The following ARHGEF2 variants were observed in gnomAD, a reference collection of about 807,000 sequenced individuals.
ARHGEF2 encodes Rho/Rac guanine nucleotide exchange factor 2, also known as rho guanine nucleotide exchange factor 2.
In ARHGEF2, 22 loss-of-function variants were observed where a neutral mutation model predicts 121.0. That is an observed-to-expected ratio of 0.18 (90% CI 0.13 to 0.26). The LOEUF (loss-of-function observed/expected upper bound fraction) is 0.26. Ranked by LOEUF, ARHGEF2 falls within the 10% of genes least tolerant of loss-of-function variation. The pLI, the probability that ARHGEF2 is intolerant of heterozygous loss-of-function variation, is 1.00. For synonymous variants in ARHGEF2, 487 were observed against 530.0 expected (o/e 0.92, Z 1.11); for missense variants, 907 against 1,336.0 (o/e 0.68, Z 5.01).
rs1288655657 is a variant in ARHGEF2, at chr1:155,951,671, A to G, written c.2208+70T>C. 1 of 1,611,452 alleles carries G rather than the reference A, an allele frequency of 6.2e-7. No individual in the cohort carries two copies. Among genetic ancestry groups the G allele is most frequent in the African/African-American group, 1.3e-5 (1 of 74,832 alleles). Reference sequence around the variant, plus strand: ...AGACGCTTTCCCCACCCCACTCCAAACTGGGCTCTAACTACTCAGACTAAG... The same window carrying G: ...AGACGCTTTCCCCACCCCACTCCAAGCTGGGCTCTAACTACTCAGACTAAG... On this transcript the variant is annotated intron_variant, in intron 18 of 21. Transcript: ENST00000361247. This position sits in a 1 kb window ranked among gnomAD's most constrained non-coding sequence, Gnocchi z 5.1.
chr1:155,953,796 ACTCTATTC>A (rs1163003596), intron 14 of ARHGEF2, among the ~76,000 whole-genome samples: 5 of 151,230 alleles, frequency 3.3e-5, no homozygotes, highest in Non-Finnish European at 7.4e-5. Context: ...AAGGGTATAA[ACTCTATTC>A]CTTTACTCCT....
intron 7 of ARHGEF2, among the ~76,000 whole-genome samples, chr1:155,964,488 G>A (rs1314744488): frequency 2.0e-5 from 3 of 152,004 alleles, no homozygotes; most frequent in African/African-American, 7.2e-5. Flanking sequence ...ACTGAAGACA[G>A]AGATAAAGAA....
In ARHGEF2 at chr1:155,961,945, C is replaced by A. The variant is rs1678024540; in HGVS notation, c.1220-36G>T. On this transcript the variant is annotated intron_variant, in intron 10 of 21. Coordinates refer to ENST00000361247, the MANE Select transcript of ARHGEF2 (RefSeq NM_001162383.2). The surrounding 1 kb of genome is among the most constrained non-coding windows in gnomAD (Gnocchi z 4.7). ...GGGTTGGCATGGGGAACGGCTCAAC[C>A]AGTTTCACTCACACCCCAGTTCCCA... The A allele has an allele frequency of 6.2e-7, 1 of 1,611,804 alleles. No individual in the cohort carries two copies. Among genetic ancestry groups the A allele is most frequent in the East Asian group, 2.2e-5 (1 of 44,826 alleles).
Position 155,950,950 on chromosome 1 carries a change from G to C in ARHGEF2, c.2582C>G (p.Ala861Gly). The change falls in exon 20 of 22, where the codon GCC becomes GGC. Residue 861 changes from alanine to glycine, a missense_variant. Ala to Gly is a moderately conservative substitution (Grantham distance 60). Transcript: ENST00000361247. The surrounding 1 kb of genome is among the most constrained non-coding windows in gnomAD (Gnocchi z 5.2). ...GAGTGGCTCGGTCTGGCCCAGGGCG[G>C]CCAGCTGCCTTCGAGCCTCTTCGGC... ...REAEEARRQLAALGQTEPLPA... is the reference protein window; with the variant it reads ...REAEEARRQLGALGQTEPLPA... 6.2e-7 allele frequency: 1 copy of C among 1,606,952 alleles called. No individual in the cohort carries two copies. Among genetic ancestry groups the C allele is most frequent in the Middle Eastern group, 1.7e-4 (1 of 5,982 alleles).
intron 7 of ARHGEF2, among the ~76,000 whole-genome samples, chr1:155,964,178 A>ATATATATG (rs1251947369): frequency 3.0e-5 from 3 of 101,074 alleles, no homozygotes; most frequent in African/African-American, 1.3e-4. Flanking sequence ...ATATATATAT[A>ATATATATG]TATATATATA....
chr1:155,969,979 AGGCAGCTAGCT>A (rs766426115), intron 1 of ARHGEF2: 1 of 985,372 alleles, frequency 1.0e-6, no homozygotes, highest in Non-Finnish European at 1.2e-6. Context: ...CTTGAGGCAA[AGGCAGCTAGCT>A]GCCTTTGGGT....
At chr1:155,972,113 T>A (rs1207520633) in intron 1 of ARHGEF2, 1 of 373,978 alleles carries the variant, frequency 2.7e-6, no homozygotes, top group Non-Finnish European at 5.5e-6. Context: ...TCTGACCAGC[T>A]CAGATGGAGT....
At position 155,951,292 on chromosome 1, in the gene ARHGEF2, A is replaced by T; in HGVS notation, c.2260-20T>A. ...AGCTGCCTGGGAGTAGAATGCAGGCAGAAGGGTTTATCAGAACCCCTGTGC... is the reference window on the plus strand; with the variant it reads ...AGCTGCCTGGGAGTAGAATGCAGGCTGAAGGGTTTATCAGAACCCCTGTGC... On this transcript the variant is annotated intron_variant, in intron 19 of 21. Coordinates refer to ENST00000361247, the MANE Select transcript of ARHGEF2 (RefSeq NM_001162383.2). This position sits in a 1 kb window ranked among gnomAD's most constrained non-coding sequence, Gnocchi z 5.1. 1 of 1,587,620 alleles carries T rather than the reference A, an allele frequency of 6.3e-7. No individual in the cohort carries two copies. The highest frequency in any genetic ancestry group is 8.6e-7 in the Non-Finnish European group (1 of 1,164,736).
chr1:155,947,189 T>A lies in ARHGEF2; in HGVS notation c.*753A>T, dbSNP rs1269425312. 2.8e-6 allele frequency: 1 copy of A among 363,226 alleles called. No homozygotes were observed. Among genetic ancestry groups the A allele is most frequent in the African/African-American group, 2.1e-5 (1 of 46,710 alleles). 22.5% of individuals were successfully genotyped at this position (363,226 alleles called of 1,614,324 possible). ...GAGATGTGGAGATAGGAGGCTTCGATCTCTAATTGCCTACGATCTCTTAAA... is the reference window on the plus strand; with the variant it reads ...GAGATGTGGAGATAGGAGGCTTCGAACTCTAATTGCCTACGATCTCTTAAA... On this transcript the variant is annotated 3_prime_UTR_variant, in exon 22 of 22. Transcript: ENST00000361247.
chr1:155,953,575 C>CTACTAAAAA (rs1170533616), intron 14 of ARHGEF2, among the ~76,000 whole-genome samples: 10 of 151,816 alleles, frequency 6.6e-5, no homozygotes, highest in Admixed American at 3.9e-4. Context: ...AACCCTATCT[C>CTACTAAAAA]TACTAAAAAT....
rs1681667097 is a variant in ARHGEF2, at chr1:155,978,180, C to T, written c.63+185G>A. The T allele has an allele frequency of 1.2e-5, 15 of 1,303,902 alleles. No individual in the cohort carries two copies. The highest frequency in any genetic ancestry group is 1.5e-5 in the Non-Finnish European group (15 of 1,020,928). The allele number at this position is 1,303,902 out of a possible 1,614,324, so 80.8% of individuals were successfully genotyped here. A position where few individuals can be genotyped will look rare whatever the true frequency, so the allele number is the denominator to read the frequency against. On this transcript the variant is annotated intron_variant, in intron 1 of 21. Coordinates refer to ENST00000361247, the MANE Select transcript of ARHGEF2 (RefSeq NM_001162383.2). The surrounding 1 kb of genome is among the most constrained non-coding windows in gnomAD (Gnocchi z 4.1). The stretch of plus-strand genomic sequence containing the variant: ...GATCCCAGCACCGTCGCGTCTGCCG[C>T]TCCCCCCACCCCTACCCACTCGCTC...
intron 11 of ARHGEF2, among the ~76,000 whole-genome samples, chr1:155,958,896 A>G (rs1677260557): frequency 7.9e-6 from 1 of 126,608 alleles, no homozygotes; most frequent in African/African-American, 2.9e-5. Flanking sequence ...CTTACAGCTT[A>G]AAAACAGTGT....
At position 155,963,527 on chromosome 1, in the gene ARHGEF2, G is replaced by A. The variant is rs567976769; in HGVS notation, c.725-344C>T. 2.6e-5 allele frequency among the ~76,000 whole-genome samples: 4 copies of A among 151,132 alleles called. No homozygotes were observed. In the East Asian group the frequency reaches 5.9e-4, roughly 22 times the overall value. On this transcript the variant is annotated intron_variant, in intron 7 of 21. Transcript: ENST00000361247. Reference sequence around the variant, plus strand: ...GGCCCGGCTAATTTTTGTATTTTTAGTAGAGATGGGGTTTCTTCATATTGG... The same window carrying A: ...GGCCCGGCTAATTTTTGTATTTTTAATAGAGATGGGGTTTCTTCATATTGG...
intron 15 of ARHGEF2, 34 bp from the exon 16 acceptor site, chr1:155,952,269 T>A (rs748450851): frequency 6.2e-7 from 1 of 1,612,508 alleles, no homozygotes. Context: ...AGAACAGGAA[T>A]GACACAGGAC....
chr1:155,962,792 C>T lies in ARHGEF2; in HGVS notation c.976-74G>A. 4 of 1,601,794 alleles carry T rather than the reference C, an allele frequency of 2.5e-6. No homozygotes were observed. The highest frequency in any genetic ancestry group is 3.4e-6 in the Non-Finnish European group (4 of 1,172,700). On this transcript the variant is annotated intron_variant, in intron 8 of 21. Transcript: ENST00000361247. The surrounding 1 kb of genome is among the most constrained non-coding windows in gnomAD (Gnocchi z 5.8). Reference sequence around the variant, plus strand: ...CTTTACCCACTGGACACACCTCTGGCCTCCTGCCAAACAGGCTGGCTTCCT... The same window carrying T: ...CTTTACCCACTGGACACACCTCTGGTCTCCTGCCAAACAGGCTGGCTTCCT...
chr1:155,963,250 A>G, intron 7 of ARHGEF2, 67 bp from the exon 8 acceptor site: 2 of 1,549,210 alleles, frequency 1.3e-6, no homozygotes, highest in Non-Finnish European at 1.8e-6. Context: ...GCCCTAGGAT[A>G]AGGACCTCAC....
chr1:155,967,784 C>T (rs984286998), intron 2 of ARHGEF2, among the ~76,000 whole-genome samples: 1 of 152,184 alleles, frequency 6.6e-6, no homozygotes, highest in African/African-American at 2.4e-5. Context: ...TGGCCGTGCC[C>T]TTCCCAGACA....
chr1:155,953,891 C>T (rs899638334), intron 14 of ARHGEF2, among the ~76,000 whole-genome samples: 5 of 152,178 alleles, frequency 3.3e-5, no homozygotes, highest in Admixed American at 1.3e-4. Context: ...ATGAAAACTT[C>T]ATGTTAAAGA....
In ARHGEF2 at chr1:155,951,084, C is replaced by T; in HGVS notation, c.2448G>A (p.Glu816=). 6.2e-7 allele frequency: 1 copy of T among 1,601,794 alleles called. No homozygotes were observed. ...LLQRQHALLQ[E]ELRRCRRLGE... ...CTAGCCGCCGGCAGCGCCGTAGCTC[C>T]TCCTGCAGCAGCGCATGTTGCCGCT... The change falls in exon 20 of 22, where the codon GAG becomes GAA. Residue 816 remains glutamate (E), a synonymous_variant. Transcript: ENST00000361247. The surrounding 1 kb of genome is among the most constrained non-coding windows in gnomAD (Gnocchi z 5.1).
Sources: allele counts gnomAD v4.1 joint callset (sites outside exome capture counted in the v4.1 genomes callset), GRCh38; gene constraint gnomAD v4.1.1; non-coding constraint Gnocchi (gnomAD v3.1); transcripts MANE v1.5; gene names NCBI Gene and HGNC (gene_info 2026-07-23, HGNC 2026-07-21).